Variants in HEPH observed in about 807,000 individuals in gnomAD.
HEPH encodes the protein hephaestin.
HEPH carries 69 observed loss-of-function variants against 80.8 expected under a neutral mutation model. The observed-to-expected ratio is 0.85, with a 90% CI of 0.70 to 1.04. HEPH has a LOEUF of 1.04. HEPH is among the 50% of genes least tolerant of loss of function. The probability of loss-of-function intolerance (pLI) is 0.00; values close to 1 mark genes in which losing one functional copy is unlikely to be tolerated. For missense variants in HEPH, 1,115 were observed against 891.3 expected (o/e 1.25, Z -3.20); for synonymous variants, 431 against 322.8 (o/e 1.34, Z -3.60).
chrX:66,251,413 T>A (rs1237769662), intron 15 of HEPH, among the ~76,000 whole-genome samples: 1 of 112,228 alleles, frequency 8.9e-6, no homozygotes, highest in Admixed American at 9.5e-5. Flanking sequence ...TGTAATGATA[T>A]CTCATTGTAA....
At chrX:66,174,113 T>C (rs1389177040) in intron 4 of HEPH, among the ~76,000 whole-genome samples, 1 of 110,313 alleles carries the variant, frequency 9.1e-6, no homozygotes, top group Admixed American at 9.7e-5. Context: ...ACCTATCTCC[T>C]GAGCACTATA....
chrX:66,223,449 G>A (rs976544013), intron 15 of HEPH, among the ~76,000 whole-genome samples: 1 of 110,894 alleles, frequency 9.0e-6, no homozygotes, highest in Non-Finnish European at 1.9e-5. Context: ...CTTTATATTA[G>A]TATACTATTA....
intron 13 of HEPH, among the ~76,000 whole-genome samples, chrX:66,206,339 C>CTTT (rs760184190): frequency 0.038 from 533 of 14,076 alleles, 227 homozygotes; most frequent in Non-Finnish European, 0.055. Context: ...AACCTGCCAT[C>CTTT]TTTTTTTTTT....
upstream of HEPH, among the ~76,000 whole-genome samples, chrX:66,163,375 T>C (rs2147445792): frequency 9.0e-6 from 1 of 111,494 alleles, no homozygotes; most frequent in South Asian, 3.7e-4. Flanking sequence ...TGTTTTTTTT[T>C]TCTTTTTAGT....
chrX:66,266,387 C>T, intron 20 of HEPH, 53 bp from the exon 21 acceptor site: 3 of 970,513 alleles, frequency 3.1e-6, no homozygotes, highest in Non-Finnish European at 4.4e-6. Flanking sequence ...AGATAGTTAC[C>T]TTTTAGAGTA....
chrX:66,180,359 T>C (rs1021218083), intron 4 of HEPH, among the ~76,000 whole-genome samples: 1 of 111,128 alleles, frequency 9.0e-6, no homozygotes, highest in Non-Finnish European at 1.9e-5. Context: ...CTTTCCTTCA[T>C]ATATGATGCT....
intron 15 of HEPH, among the ~76,000 whole-genome samples, chrX:66,218,521 G>A (rs1004775593): frequency 4.5e-5 from 5 of 111,614 alleles, no homozygotes; most frequent in African/African-American, 6.5e-5. Context: ...ACAACCTATC[G>A]AAACCTCTGG....
intron 19 of HEPH, among the ~76,000 whole-genome samples, chrX:66,261,733 G>A (rs1253354550): frequency 1.4e-4 from 16 of 111,412 alleles, no homozygotes; most frequent in Admixed American, 1.3e-3. Flanking sequence ...AGAGAGAGAT[G>A]AATGATTGCA....
intron 13 of HEPH, among the ~76,000 whole-genome samples, 185 bp downstream of exon 13, chrX:66,203,762 G>A (rs889739833): frequency 8.1e-5 from 9 of 111,451 alleles, no homozygotes; most frequent in East Asian, 2.8e-4. Context: ...TATTGATATA[G>A]GGAGGGAATA....
rs959450047 is a variant in HEPH at position 66,203,498 on chromosome X, A to C, written c.2212A>C (p.Met738Leu). Residue 738 changes from methionine to leucine, a missense_variant, in exon 13 of 21, where the codon ATG (methionine) becomes CTG (leucine). Physicochemically the swap from Met to Leu is conservative, Grantham distance 15. This residue lies in a region of HEPH where 716 missense variants were observed against 523.5 expected (regional missense o/e 1.37). Transcript: ENST00000343002. ...CCAAGCTGCAAGAATCTACTATATC[A>C]TGGCAGAAGAAGTAGAGTGGGACTA... ...RYQAARIYYI[M>L]AEEVEWDYCP... 7.4e-6 allele frequency: 9 copies of C among 1,209,654 alleles called. No individual in the cohort carries two copies. In the Admixed American group the frequency reaches 1.7e-4, roughly 23 times the overall value.
intron 20 of HEPH, 39 bp downstream of exon 20, chrX:66,263,727 G>A (rs756123290): frequency 6.9e-6 from 8 of 1,162,442 alleles, no homozygotes; most frequent in South Asian, 1.8e-5. Flanking sequence ...CTTATACATA[G>A]TGTGTCTGTG....
At position 66,232,715 on chromosome X, in the gene HEPH, A is replaced by G. The variant is rs190899696; in HGVS notation, c.2564-22320A>G. On this transcript the variant is annotated intron_variant, in intron 15 of 20. Coordinates refer to ENST00000343002, the MANE Select transcript of HEPH (RefSeq NM_001367233.3). ...AAGCTCTCCTATGTATCAATGTACAATATTTAATTTTAAAATATATAAAAA... is the reference window on the plus strand; with the variant it reads ...AAGCTCTCCTATGTATCAATGTACAGTATTTAATTTTAAAATATATAAAAA... 5.0e-3 allele frequency among the ~76,000 whole-genome samples: 551 copies of G among 111,292 alleles called. 5 individuals carry two copies. Among genetic ancestry groups the G allele is most frequent in the African/African-American group, 0.017 (528 of 30,699 alleles).
chrX:66,222,471 A>T (rs758834042), intron 15 of HEPH, among the ~76,000 whole-genome samples: 1 of 112,271 alleles, frequency 8.9e-6, no homozygotes, highest in African/African-American at 3.2e-5. Context: ...CCAACCAGGC[A>T]TTTGCATCTT....
chrX:66,211,614 A>G (rs950620820), intron 15 of HEPH, among the ~76,000 whole-genome samples: 14 of 111,237 alleles, frequency 1.3e-4, no homozygotes, highest in Non-Finnish European at 2.5e-4. Flanking sequence ...TGTCTGGTTT[A>G]TTTTACTTAA....
intron 15 of HEPH, among the ~76,000 whole-genome samples, chrX:66,233,711 G>A (rs1251700350): frequency 1.8e-5 from 2 of 109,390 alleles, no homozygotes; most frequent in African/African-American, 3.3e-5. Flanking sequence ...AACATTATTA[G>A]TGACTATACT....
At chrX:66,192,068 G>A in intron 6 of HEPH, 62 bp from the exon 7 acceptor site, 1 of 1,073,099 alleles carries the variant, frequency 9.3e-7, no homozygotes, top group East Asian at 3.1e-5. Context: ...GGAGGAAGGT[G>A]AGTCCTCTGG....
intron 15 of HEPH, among the ~76,000 whole-genome samples, chrX:66,246,578 A>G (rs1376839824): frequency 9.1e-6 from 1 of 110,377 alleles, no homozygotes; most frequent in Non-Finnish European, 1.9e-5. Context: ...CTCAGTCTAG[A>G]AGCATGGTGG....
At chrX:66,164,153 T>C, upstream of HEPH, 1 of 714,269 alleles carries the variant, frequency 1.4e-6, no homozygotes, top group Non-Finnish European at 1.7e-6. Flanking sequence ...TTGTAATTCC[T>C]CCTGAGATCC....
chrX:66,192,043 G>A (rs1490028675), intron 6 of HEPH, 87 bp from the exon 7 acceptor site: 19 of 948,412 alleles, frequency 2.0e-5, no homozygotes, highest in Non-Finnish European at 1.0e-5. Context: ...GTGGGTGGAG[G>A]AAACACTAAC....
Sources: allele counts gnomAD v4.1 joint callset (sites outside exome capture counted in the v4.1 genomes callset), GRCh38; gene constraint gnomAD v4.1.1; regional missense constraint gnomAD v4.1.1; transcripts MANE v1.5; gene names NCBI Gene and HGNC (gene_info 2026-07-23, HGNC 2026-07-21).